Variants in AMPH observed in about 807,000 individuals in gnomAD.
AMPH encodes the protein amphiphysin (Stiff-Mann syndrome with breast cancer 128kD autoantigen).
AMPH carries 49 observed loss-of-function variants against 99.1 expected under a neutral mutation model. The observed-to-expected ratio is 0.49, with a 90% confidence interval of 0.39 to 0.63. AMPH has a LOEUF of 0.63. Among genes scored for constraint, AMPH ranks in the 20% least tolerant of loss-of-function variants. The pLI is 0.00. For missense variants in AMPH, 759 were observed against 863.4 expected (o/e 0.88, Z 1.52); for synonymous variants, 314 against 317.3 (o/e 0.99, Z 0.11).
intron 1 of AMPH, among the ~76,000 whole-genome samples, chr7:38,624,817 A>G (rs1226551922): frequency 1.3e-5 from 2 of 152,170 alleles, no homozygotes; most frequent in Non-Finnish European, 2.9e-5. Context: ...GTAAAGGAAT[A>G]AAAAATTATG....
At chr7:38,618,932 G>T (rs1312248109) in intron 1 of AMPH, among the ~76,000 whole-genome samples, 2 of 152,182 alleles carry the variant, frequency 1.3e-5, no homozygotes, top group Non-Finnish European at 2.9e-5. Context: ...AAAAGGCAGA[G>T]ATTGGCAAAA....
intron 11 of AMPH, among the ~76,000 whole-genome samples, chr7:38,445,337 C>A (rs1013313893): frequency 6.6e-6 from 1 of 151,898 alleles, no homozygotes; most frequent in African/African-American, 2.4e-5. Flanking sequence ...TAAGAGAAAA[C>A]CTTGCGATTT....
At chr7:38,431,933 G>C in intron 13 of AMPH, 1 of 519,180 alleles carries the variant, frequency 1.9e-6, no homozygotes, top group African/African-American at 1.9e-5. Context: ...GAAACAAAGG[G>C]CCAAACTCTT....
chr7:38,530,365 A>T (rs73122296), intron 2 of AMPH, among the ~76,000 whole-genome samples: 3,994 of 152,266 alleles, frequency 0.026, 81 homozygotes, highest in Admixed American at 0.052. Context: ...TTTGGTTCAT[A>T]TTACACAAAA....
At chr7:38,496,404 G>A (rs577946229) in intron 3 of AMPH, among the ~76,000 whole-genome samples, 7 of 152,206 alleles carry the variant, frequency 4.6e-5, no homozygotes, top group Non-Finnish European at 7.4e-5. Context: ...CACATTCCAC[G>A]AAGCCCTTGA....
At chr7:38,611,713 T>C (rs1793686358) in intron 1 of AMPH, among the ~76,000 whole-genome samples, 1 of 151,978 alleles carries the variant, frequency 6.6e-6, no homozygotes, top group African/African-American at 2.4e-5. Context: ...AAACCAAGAG[T>C]TGAGTTCTAC....
chr7:38,437,658 G>C (rs1298482093), intron 11 of AMPH, among the ~76,000 whole-genome samples: 1 of 96,766 alleles, frequency 1.0e-5, no homozygotes, highest in Non-Finnish European at 2.0e-5. Flanking sequence ...AGAAAAATTA[G>C]TTGGGCATGG....
At chr7:38,387,988 A>G (rs1784391522) in intron 20 of AMPH, among the ~76,000 whole-genome samples, 1 of 152,076 alleles carries the variant, frequency 6.6e-6, no homozygotes, top group Non-Finnish European at 1.5e-5. Flanking sequence ...AAAAAAATCA[A>G]CTCAGATTTC....
intron 11 of AMPH, among the ~76,000 whole-genome samples, chr7:38,455,190 C>T (rs1787183882): frequency 6.6e-6 from 1 of 152,112 alleles, no homozygotes; most frequent in South Asian, 2.1e-4. Flanking sequence ...CCTGCCTCAG[C>T]CTTCCGAGTA....
At chr7:38,544,479 A>G (rs1471866813) in intron 1 of AMPH, among the ~76,000 whole-genome samples, 1 of 152,210 alleles carries the variant, frequency 6.6e-6, no homozygotes, top group Non-Finnish European at 1.5e-5. Flanking sequence ...AGATCCCAAG[A>G]TGTCCAGGAA....
intron 2 of AMPH, among the ~76,000 whole-genome samples, chr7:38,528,979 TC>T (rs1692715809): frequency 6.6e-6 from 1 of 152,108 alleles, no homozygotes; most frequent in Admixed American, 6.5e-5. Context: ...GGACCCTAAG[TC>T]CAGAGTTCTA....
At chr7:38,559,724 G>A (rs970658407) in intron 1 of AMPH, among the ~76,000 whole-genome samples, 1 of 152,174 alleles carries the variant, frequency 6.6e-6, no homozygotes, top group Admixed American at 6.5e-5. Flanking sequence ...CTTATAGGTT[G>A]GAGTAATTGG....
At chr7:38,415,374 G>A (rs1454418373) in intron 17 of AMPH, among the ~76,000 whole-genome samples, 1 of 152,120 alleles carries the variant, frequency 6.6e-6, no homozygotes, top group South Asian at 2.1e-4. Context: ...ACCTCAAAAG[G>A]TCATGTCAAC....
chr7:38,616,158 C>A (rs17500182), intron 1 of AMPH, among the ~76,000 whole-genome samples: 14,391 of 152,194 alleles, frequency 0.095, 936 homozygotes, highest in South Asian at 0.18. Flanking sequence ...ACAAGCAAGT[C>A]GTAGTCTGAG....
chr7:38,536,868 G>C (rs1045066466), intron 1 of AMPH, among the ~76,000 whole-genome samples: 6 of 151,816 alleles, frequency 4.0e-5, no homozygotes, highest in Non-Finnish European at 8.8e-5. Context: ...ATTATAACTA[G>C]GGAAGACTTG....
chr7:38,414,242 A>T (rs1195846541), intron 17 of AMPH, among the ~76,000 whole-genome samples: 1 of 152,194 alleles, frequency 6.6e-6, no homozygotes, highest in African/African-American at 2.4e-5. Context: ...TAGTGGTAAA[A>T]TTTTTAAAAA....
intron 8 of AMPH, 71 bp from the exon 9 acceptor site, chr7:38,465,620 A>C (rs1787623912): frequency 7.3e-7 from 1 of 1,361,558 alleles, no homozygotes; most frequent in South Asian, 1.3e-5. Context: ...ATTCTCCCCA[A>C]GAAAGAAATT....
chr7:38,418,596 T>C (rs778866070), intron 16 of AMPH, among the ~76,000 whole-genome samples: 4 of 152,242 alleles, frequency 2.6e-5, no homozygotes, highest in Non-Finnish European at 4.4e-5. Context: ...CCTGGCTATT[T>C]GCTACTACAA....
chr7:38,443,766 G>A (rs60743671), intron 11 of AMPH, among the ~76,000 whole-genome samples: 1 of 151,618 alleles, frequency 6.6e-6, no homozygotes, highest in Non-Finnish European at 1.5e-5. Flanking sequence ...AATACTACAT[G>A]CTCTTCCTCT....
Sources: allele counts gnomAD v4.1 joint callset (sites outside exome capture counted in the v4.1 genomes callset), GRCh38; gene constraint gnomAD v4.1.1; transcripts MANE v1.5; gene names NCBI Gene and HGNC (gene_info 2026-07-23, HGNC 2026-07-21).